Variants in PDE11A observed in about 807,000 individuals in gnomAD.
PDE11A encodes the protein phosphodiesterase 11A.
Under a neutral mutation model 100.5 loss-of-function variants are expected in PDE11A, and 100 were observed. That is an observed-to-expected ratio of 1.00 (90% CI 0.85 to 1.18). The LOEUF is 1.18. Among genes scored for constraint, PDE11A ranks in the 50% most tolerant of loss-of-function variants. The probability of loss-of-function intolerance (pLI) is 0.00; values close to 1 mark genes in which losing one functional copy is unlikely to be tolerated. For synonymous variants in PDE11A, 381 were observed against 420.8 expected, an observed-to-expected ratio of 0.91 and a Z score of 1.16; for missense variants, 1,141 against 1,152.6, an observed-to-expected ratio of 0.99 and a Z score of 0.15.
At chr2:177,796,698 A>G (rs1247846992) in intron 9 of PDE11A, among the ~76,000 whole-genome samples, 1 of 152,196 alleles carries the variant, frequency 6.6e-6, no homozygotes, top group Non-Finnish European at 1.5e-5. Context: ...CACTGGGCCT[A>G]AAGTGAATGT....
chr2:177,713,597 C>T (rs899948308), intron 12 of PDE11A, among the ~76,000 whole-genome samples: 32 of 151,972 alleles, frequency 2.1e-4, no homozygotes, highest in African/African-American at 5.6e-4. Context: ...TGGTGGCACG[C>T]GCCTGTAATC....
intron 6 of PDE11A, among the ~76,000 whole-genome samples, chr2:177,839,872 C>T (rs1266217937): frequency 6.6e-6 from 1 of 152,026 alleles, no homozygotes; most frequent in Non-Finnish European, 1.5e-5. Flanking sequence ...ACACAGTGTG[C>T]CTAGATAATT....
chr2:178,073,864 C>T (rs79446904), upstream of PDE11A, among the ~76,000 whole-genome samples: 810 of 150,332 alleles, frequency 5.4e-3, 24 homozygotes, highest in East Asian at 0.085. Context: ...TCAGTCACAA[C>T]GGGAATGTTT....
chr2:177,972,761 C>T (rs1356519127), intron 2 of PDE11A, among the ~76,000 whole-genome samples: 1 of 152,126 alleles, frequency 6.6e-6, no homozygotes, highest in African/African-American at 2.4e-5. Context: ...ACAAGCATCC[C>T]AACTGGTCAG....
chr2:177,767,613 T>A (rs1035615249), intron 10 of PDE11A, among the ~76,000 whole-genome samples: 9 of 152,124 alleles, frequency 5.9e-5, no homozygotes. Flanking sequence ...ATATTTTTGA[T>A]GGAAAATGTA....
At chr2:177,858,256 T>C (rs1238619941) in intron 5 of PDE11A, among the ~76,000 whole-genome samples, 1 of 151,986 alleles carries the variant, frequency 6.6e-6, no homozygotes, top group Non-Finnish European at 1.5e-5. Context: ...TGGGATCTAA[T>C]TAAACTAAAG....
At chr2:178,026,118 C>T (rs1170643624) in intron 1 of PDE11A, among the ~76,000 whole-genome samples, 1 of 152,006 alleles carries the variant, frequency 6.6e-6, no homozygotes, top group African/African-American at 2.4e-5. Flanking sequence ...CTAACACAGA[C>T]TACCTCCAAC....
In PDE11A at chr2:177,664,163, TG is replaced by T. The variant is rs751752740; in HGVS notation, c.2563-215del. Among the ~76,000 whole-genome samples the T allele has an allele frequency of 2.6e-5, 4 of 152,228 alleles. No homozygotes were observed. In the South Asian group the frequency reaches 6.2e-4, roughly 24 times the overall value. On this transcript the variant is annotated intron_variant, in intron 18 of 19. Coordinates refer to ENST00000286063, the MANE Select transcript of PDE11A (RefSeq NM_016953.4). ...TATGAGATTTGTAAGCAAATTTACT[TG>T]AACTTTCTAGCGTGCAACTTCTTGG...
intron 5 of PDE11A, among the ~76,000 whole-genome samples, chr2:177,844,660 G>A (rs1461316726): frequency 1.3e-5 from 2 of 151,410 alleles, no homozygotes; most frequent in East Asian, 1.9e-4. Flanking sequence ...AAGGTCTCTG[G>A]TTTTCCTAGG....
intron 5 of PDE11A, among the ~76,000 whole-genome samples, chr2:177,856,900 A>G (rs545266984): frequency 1.2e-3 from 176 of 152,150 alleles, no homozygotes; most frequent in Non-Finnish European, 2.2e-3. Flanking sequence ...ATAATGGTTG[A>G]AAACTTCCCA....
rs555294337 is a variant in PDE11A, at chr2:177,902,107, C to A, written c.1161+2991G>T. Among the ~76,000 whole-genome samples, 5 of 152,324 alleles carry A rather than the reference C, an allele frequency of 3.3e-5. No individual in the cohort carries two copies. In the South Asian group the frequency reaches 1.0e-3, roughly 32 times the overall value. On this transcript the variant is annotated intron_variant, in intron 3 of 19. Coordinates refer to ENST00000286063, the MANE Select transcript of PDE11A (RefSeq NM_016953.4). ...AGCTAAGCCATGATATCCCCTGTGACTTGCAAGTATACATCCAGATGGTCT... is the reference window on the plus strand; with the variant it reads ...AGCTAAGCCATGATATCCCCTGTGAATTGCAAGTATACATCCAGATGGTCT...
intron 19 of PDE11A, among the ~76,000 whole-genome samples, chr2:177,651,830 G>A (rs2080313317): frequency 6.6e-6 from 1 of 152,030 alleles, no homozygotes; most frequent in African/African-American, 2.4e-5. Context: ...TCTGCTTGTA[G>A]GAGTTATTGG....
intron 1 of PDE11A, among the ~76,000 whole-genome samples, chr2:178,033,044 T>C (rs1159349816): frequency 1.3e-5 from 2 of 152,202 alleles, no homozygotes; most frequent in Non-Finnish European, 2.9e-5. Context: ...GGATGGAGAA[T>C]GAGTTTGACG....
chr2:177,903,837 C>G (rs754677533), intron 3 of PDE11A, among the ~76,000 whole-genome samples: 35 of 152,246 alleles, frequency 2.3e-4, no homozygotes, highest in Middle Eastern at 3.4e-3. Context: ...TCAAATGAAA[C>G]AGATTGTTTG....
intron 2 of PDE11A, among the ~76,000 whole-genome samples, chr2:178,096,291 G>A (rs974372831): frequency 2.0e-5 from 3 of 150,196 alleles, no homozygotes; most frequent in African/African-American, 4.9e-5. Flanking sequence ...AGCCTCCAGA[G>A]TAGCTAGGAG....
At chr2:177,881,091 G>T (rs1218150495) in intron 4 of PDE11A, among the ~76,000 whole-genome samples, 1 of 152,106 alleles carries the variant, frequency 6.6e-6, no homozygotes, top group African/African-American at 2.4e-5. Context: ...ATCCACTGAG[G>T]GCTCAGATAG....
chr2:178,044,648 C>G (rs2086727275), intron 1 of PDE11A, among the ~76,000 whole-genome samples: 2 of 152,016 alleles, frequency 1.3e-5, no homozygotes, highest in South Asian at 4.1e-4. Context: ...AGCCATTTAA[C>G]TTCCCTCAGA....
At chr2:177,721,931 T>G (rs2081534909) in intron 12 of PDE11A, among the ~76,000 whole-genome samples, 2 of 152,090 alleles carry the variant, frequency 1.3e-5, no homozygotes, top group African/African-American at 4.8e-5. Flanking sequence ...AGCTCCCAAC[T>G]TAACACCCTT....
At chr2:177,649,987 G>C (rs2080284674) in intron 19 of PDE11A, among the ~76,000 whole-genome samples, 1 of 152,174 alleles carries the variant, frequency 6.6e-6, no homozygotes, top group Non-Finnish European at 1.5e-5. Context: ...GCACAAAGTA[G>C]AAATGCTTAT....
Sources: allele counts gnomAD v4.1 joint callset (sites outside exome capture counted in the v4.1 genomes callset), GRCh38; gene constraint gnomAD v4.1.1; transcripts MANE v1.5; gene names NCBI Gene and HGNC (gene_info 2026-07-23, HGNC 2026-07-21).